PTPRA: variants seen among roughly 807,000 people sequenced by gnomAD.
PTPRA encodes receptor-type tyrosine-protein phosphatase alpha.
In PTPRA, 25 loss-of-function variants were observed where a neutral mutation model predicts 104.8. That is an observed-to-expected ratio of 0.24 (90% CI 0.17 to 0.33). PTPRA has a LOEUF of 0.33. Ranked by LOEUF, PTPRA falls within the 10% of genes least tolerant of loss-of-function variation. PTPRA has a pLI of 1.00. For synonymous variants in PTPRA, 323 were observed against 368.9 expected (o/e 0.88, Z 1.43); for missense variants, 765 against 1,015.3 (o/e 0.75, Z 3.35).
At chr20:2,993,630 T>G (rs1262029285) in intron 9 of PTPRA, among the ~76,000 whole-genome samples, 1 of 152,164 alleles carries the variant, frequency 6.6e-6, no homozygotes, top group Non-Finnish European at 1.5e-5. Context: ...GAAAGTAGAG[T>G]ACGTCTGGAA....
rs1379290983 is a variant in PTPRA, at chr20:3,027,144, C to G, written c.1732C>G (p.Pro578Ala). 1 of 1,614,124 alleles carries G rather than the reference C, an allele frequency of 6.2e-7. No individual in the cohort carries two copies. The change falls in exon 19 of 24, where the codon CCA becomes GCA. Residue 578 changes from proline to alanine, a missense_variant. By Grantham distance (27) the Pro-to-Ala change is conservative (BLOSUM62 -1). This residue lies in a region of PTPRA where 192 missense variants were observed against 227.0 expected (regional missense o/e 0.85). Transcript: ENST00000399903. ...AGATGAATTCAACAGAGTGATCATT[C>G]CAGTTAAGCGGGGCGAAGAGAATAC... is the stretch of plus-strand genomic sequence containing the variant. ...IPYEFNRVII[P>A]VKRGEENTDY...
At chr20:2,910,065 AATAT>A (rs1378080946) in intron 1 of PTPRA, among the ~76,000 whole-genome samples, 2 of 122,902 alleles carry the variant, frequency 1.6e-5, no homozygotes, top group South Asian at 2.3e-4. Context: ...TATCATATAT[AATAT>A]ATATGATGTA....
chr20:3,005,089 G>A lies in PTPRA; in HGVS notation c.772G>A (p.Glu258Lys). ...LPACPIQATC[E>K]AASKEENKEK... ...TGCATGTCCTATCCAGGCCACCTGT[G>A]AGGCTGCTTCCAAGGAGGAAAACAA... is the stretch of plus-strand genomic sequence containing the variant. The change falls in exon 10 of 24, where the codon GAG becomes AAG. Residue 258 changes from glutamate (E) to lysine (K), a missense_variant. This residue lies in a region of PTPRA where 245 missense variants were observed against 398.7 expected (regional missense o/e 0.61). Coordinates refer to ENST00000399903, the MANE Select transcript of PTPRA (RefSeq NM_001385305.1). The A allele has an allele frequency of 6.2e-7, 1 of 1,611,964 alleles. No individual in the cohort carries two copies. Among genetic ancestry groups the A allele is most frequent in the Non-Finnish European group, 8.5e-7 (1 of 1,178,060 alleles).
chr20:2,869,838 G>T (rs983719347), upstream of PTPRA, among the ~76,000 whole-genome samples: 10 of 151,766 alleles, frequency 6.6e-5, no homozygotes, highest in African/African-American at 2.4e-4. Flanking sequence ...GGTGGTGGCG[G>T]GTCCTGTAAT....
chr20:2,964,727 T>G, intron 4 of PTPRA, 134 bp from the exon 5 acceptor site: 1 of 731,128 alleles, frequency 1.4e-6, no homozygotes, highest in South Asian at 1.9e-5. Context: ...AGGGGGTGGG[T>G]GGTGTTGAGG....
chr20:3,019,380 G>A (rs1041975047), intron 13 of PTPRA, among the ~76,000 whole-genome samples: 6 of 149,086 alleles, frequency 4.0e-5, no homozygotes, highest in African/African-American at 7.5e-5. Flanking sequence ...GGGCGGAGGG[G>A]CTCCTCACTT....
intron 2 of PTPRA, among the ~76,000 whole-genome samples, chr20:2,938,205 G>C (rs778304253): frequency 3.3e-4 from 50 of 152,096 alleles, no homozygotes; most frequent in Non-Finnish European, 3.5e-4. Flanking sequence ...CTTTTTTTGA[G>C]ACGGAGTCTT....
intron 3 of PTPRA, among the ~76,000 whole-genome samples, chr20:2,953,528 C>T (rs1263171380): frequency 6.6e-6 from 1 of 152,102 alleles, no homozygotes; most frequent in Admixed American, 6.6e-5. Context: ...GCTGGGATTA[C>T]AGGCGTGAGC....
intron 3 of PTPRA, among the ~76,000 whole-genome samples, chr20:2,958,685 A>AAAG (rs2061629889): frequency 7.2e-6 from 1 of 139,056 alleles, no homozygotes; most frequent in Admixed American, 7.5e-5. Context: ...AAAAAAAAAA[A>AAAG]GAAATACAAA....
At chr20:3,002,573 C>T (rs2063683695) in intron 9 of PTPRA, among the ~76,000 whole-genome samples, 1 of 152,038 alleles carries the variant, frequency 6.6e-6, no homozygotes, top group South Asian at 2.1e-4. Flanking sequence ...ATGATCCACC[C>T]GCCTCGGCCT....
At chr20:2,983,054 A>G (rs2062755027) in intron 6 of PTPRA, among the ~76,000 whole-genome samples, 1 of 152,218 alleles carries the variant, frequency 6.6e-6, no homozygotes, top group Non-Finnish European at 1.5e-5. Context: ...ACAACTTTAC[A>G]TGAAAGATCT....
chr20:2,885,615 A>G (rs1034746098), intron 1 of PTPRA, among the ~76,000 whole-genome samples: 1 of 152,186 alleles, frequency 6.6e-6, no homozygotes. Flanking sequence ...GCCCCAACAA[A>G]CAGAGTCAAA....
chr20:2,988,134 C>T (rs771701384), intron 8 of PTPRA, 29 bp downstream of exon 8: 3 of 1,545,318 alleles, frequency 1.9e-6, no homozygotes, highest in Non-Finnish European at 2.7e-6. Context: ...TCATGGGGAA[C>T]CTTCACAAGG....
In PTPRA at chr20:2,898,565, G is replaced by T. The variant is rs1263067644; in HGVS notation, c.-128-24642G>T. Among the ~76,000 whole-genome samples the T allele has an allele frequency of 6.6e-5, 10 of 151,396 alleles. 1 individual carries two copies. Among genetic ancestry groups the T allele is most frequent in the African/African-American group, 2.4e-4 (10 of 41,330 alleles). Reference sequence around the variant, plus strand: ...TTTTTCTTACTTTTTGGAATAATAAGATTTTCTGTGGGCTGGGCGAGGTGG... The same window carrying T: ...TTTTTCTTACTTTTTGGAATAATAATATTTTCTGTGGGCTGGGCGAGGTGG... On this transcript the variant is annotated intron_variant, in intron 1 of 23. Coordinates refer to ENST00000399903, the MANE Select transcript of PTPRA (RefSeq NM_001385305.1).
At chr20:2,966,991 G>T (rs2061970776) in intron 5 of PTPRA, among the ~76,000 whole-genome samples, 1 of 152,206 alleles carries the variant, frequency 6.6e-6, no homozygotes, top group South Asian at 2.1e-4. Context: ...ACACAGGCCT[G>T]ACTGACTGAA....
At chr20:3,015,293 CT>C (rs2064378787) in intron 11 of PTPRA, among the ~76,000 whole-genome samples, 1 of 149,044 alleles carries the variant, frequency 6.7e-6, no homozygotes, top group African/African-American at 2.5e-5. Flanking sequence ...TTTTTTCTTT[CT>C]TTCTTTTTCT....
chr20:2,978,809 A>G (rs2062552502), intron 6 of PTPRA, among the ~76,000 whole-genome samples: 1 of 152,198 alleles, frequency 6.6e-6, no homozygotes, highest in Non-Finnish European at 1.5e-5. Context: ...AAATGAATGA[A>G]CATGGCCATG....
intron 1 of PTPRA, among the ~76,000 whole-genome samples, chr20:2,889,501 C>G (rs906839958): frequency 1.3e-5 from 2 of 152,138 alleles, no homozygotes; most frequent in African/African-American, 4.8e-5. Flanking sequence ...GTTAAGACTT[C>G]CAGTGCTTTT....
At position 2,950,150 on chromosome 20, in the gene PTPRA, T is replaced by C. The variant is rs1401182935; in HGVS notation, c.-7+2126T>C. On this transcript the variant is annotated intron_variant, in intron 3 of 23. Transcript: ENST00000399903. The surrounding 1 kb of genome is among the most constrained non-coding windows in gnomAD (Gnocchi z 4.0). ...TAATAGCATCTGGGTCCAGTGTTTT[T>C]TATGTGGGACAAATTTGAACTTGTG... Among the ~76,000 whole-genome samples the C allele has an allele frequency of 6.6e-6, 1 of 152,186 alleles. No homozygotes were observed. The highest frequency in any genetic ancestry group is 1.5e-5 in the Non-Finnish European group (1 of 68,032).
Sources: allele counts gnomAD v4.1 joint callset (sites outside exome capture counted in the v4.1 genomes callset), GRCh38; gene constraint gnomAD v4.1.1; regional missense constraint gnomAD v4.1.1; non-coding constraint Gnocchi (gnomAD v3.1); transcripts MANE v1.5; gene names NCBI Gene and HGNC (gene_info 2026-07-23, HGNC 2026-07-21).